The following OSTN variants were observed in gnomAD, a reference collection of about 807,000 sequenced individuals.
OSTN encodes the protein osteocrin.
A neutral mutation model predicts 12.0 loss-of-function variants in OSTN; 9 were observed. The ratio of observed to expected loss-of-function variants is 0.75; its 90% CI spans 0.45 to 1.30. OSTN has a LOEUF of 1.30. OSTN is among the 50% of genes most tolerant of loss of function. OSTN has a pLI of 0.00. For missense variants in OSTN, 148 were observed against 152.3 expected, an observed-to-expected ratio of 0.97 and a Z score of 0.15; for synonymous variants, 59 against 56.9, an observed-to-expected ratio of 1.04 and a Z score of -0.16.
intron 4 of OSTN, among the ~76,000 whole-genome samples, chr3:191,258,014 C>G (rs551473568): frequency 1.3e-5 from 2 of 152,264 alleles, no homozygotes; most frequent in South Asian, 4.1e-4. Context: ...AGGTAAAACT[C>G]ACTAGTCTAA....
At chr3:191,237,289 A>C (rs1715214623) in intron 3 of OSTN, among the ~76,000 whole-genome samples, 1 of 152,244 alleles carries the variant, frequency 6.6e-6, no homozygotes, top group Non-Finnish European at 1.5e-5. Context: ...GAATATATGC[A>C]TTAAATGAAT....
At chr3:191,210,159 G>A (rs1345221534) in intron 1 of OSTN, among the ~76,000 whole-genome samples, 2 of 152,208 alleles carry the variant, frequency 1.3e-5, no homozygotes, top group African/African-American at 4.8e-5. Context: ...AGGAAAAAGA[G>A]AGGAGAGGTG....
intron 4 of OSTN, among the ~76,000 whole-genome samples, chr3:191,253,135 G>C (rs1194726930): frequency 2.6e-5 from 4 of 152,142 alleles, no homozygotes; most frequent in African/African-American, 7.2e-5. Context: ...AAATTCATTG[G>C]TTATACATTT....
chr3:191,231,449 A>G (rs1375321904), intron 3 of OSTN, among the ~76,000 whole-genome samples: 4 of 152,126 alleles, frequency 2.6e-5, no homozygotes, highest in African/African-American at 7.2e-5. Context: ...CAAACTTTTC[A>G]TAAAAATAAA....
At chr3:191,239,060 C>T (rs1715264181) in intron 3 of OSTN, among the ~76,000 whole-genome samples, 1 of 152,130 alleles carries the variant, frequency 6.6e-6, no homozygotes. Flanking sequence ...ACGATAAACT[C>T]TATATTACTG....
intron 4 of OSTN, among the ~76,000 whole-genome samples, chr3:191,258,407 G>T (rs980448983): frequency 2.0e-5 from 3 of 152,066 alleles, no homozygotes; most frequent in African/African-American, 4.8e-5. Context: ...GCATTTAGAT[G>T]TTTAAAAAGC....
chr3:191,247,816 A>G (rs1245343468), intron 3 of OSTN, among the ~76,000 whole-genome samples: 1 of 152,140 alleles, frequency 6.6e-6, no homozygotes, highest in East Asian at 1.9e-4. Context: ...AAAATCTCTC[A>G]TATTCTCCAT....
intron 3 of OSTN, among the ~76,000 whole-genome samples, chr3:191,241,992 C>T (rs1194098365): frequency 6.6e-6 from 1 of 151,522 alleles, no homozygotes; most frequent in Non-Finnish European, 1.5e-5. Flanking sequence ...AATAGCAAAA[C>T]AAATAGCAAT....
intron 1 of OSTN, among the ~76,000 whole-genome samples, chr3:191,212,080 G>A (rs759366818): frequency 6.6e-6 from 1 of 152,030 alleles, no homozygotes; most frequent in South Asian, 2.1e-4. Context: ...ATGGATGGTG[G>A]GTGTTTTGAA....
At chr3:191,233,696 A>G (rs1289436510) in intron 3 of OSTN, among the ~76,000 whole-genome samples, 3 of 152,136 alleles carry the variant, frequency 2.0e-5, no homozygotes, top group Non-Finnish European at 4.4e-5. Context: ...ACTCTTTAAC[A>G]TTAGAAGATA....
intron 3 of OSTN, among the ~76,000 whole-genome samples, chr3:191,229,460 G>C (rs1017527547): frequency 1.3e-5 from 2 of 152,186 alleles, no homozygotes; most frequent in African/African-American, 4.8e-5. Flanking sequence ...AGGAGTGGGA[G>C]TGGAACGGAT....
chr3:191,200,796 T>C (rs961729940), intron 1 of OSTN, among the ~76,000 whole-genome samples: 1 of 152,198 alleles, frequency 6.6e-6, no homozygotes, highest in African/African-American at 2.4e-5. Context: ...ATTTAACTGC[T>C]TTGCCAATAT....
chr3:191,256,687 A>G (rs1715678662), intron 4 of OSTN, among the ~76,000 whole-genome samples: 1 of 151,446 alleles, frequency 6.6e-6, no homozygotes, highest in East Asian at 1.9e-4. Flanking sequence ...CCTCTTATTA[A>G]TACTATATTA....
At chr3:191,220,690 G>A (rs914743511) in intron 3 of OSTN, among the ~76,000 whole-genome samples, 6 of 152,012 alleles carry the variant, frequency 3.9e-5, no homozygotes, top group African/African-American at 1.4e-4. Flanking sequence ...AAGAACATCG[G>A]CATCCAAAGA....
At chr3:191,240,272 A>T (rs73055330) in intron 3 of OSTN, among the ~76,000 whole-genome samples, 1 of 152,092 alleles carries the variant, frequency 6.6e-6, no homozygotes, top group Non-Finnish European at 1.5e-5. Flanking sequence ...CTGTTCTCAC[A>T]TGTCAGTCCT....
intron 4 of OSTN, among the ~76,000 whole-genome samples, chr3:191,260,006 CATG>C (rs1715770528): frequency 6.8e-6 from 1 of 147,604 alleles, no homozygotes; most frequent in Non-Finnish European, 1.5e-5. Context: ...AGGCACACAC[CATG>C]CCCGGCTAAC....
chr3:191,218,061 A>G (rs1714667436), intron 2 of OSTN, among the ~76,000 whole-genome samples: 1 of 152,238 alleles, frequency 6.6e-6, no homozygotes, highest in Non-Finnish European at 1.5e-5. Flanking sequence ...AAGTACAAAT[A>G]TACAGTAACC....
At chr3:191,244,591 AAATAT>A (rs1715389874) in intron 3 of OSTN, among the ~76,000 whole-genome samples, 1 of 147,906 alleles carries the variant, frequency 6.8e-6, no homozygotes, top group Non-Finnish European at 1.5e-5. Context: ...TATATATTAT[AAATAT>A]AATATAAATA....
At chr3:191,260,083 C>T (rs1404970917) in intron 4 of OSTN, among the ~76,000 whole-genome samples, 2 of 151,862 alleles carry the variant, frequency 1.3e-5, no homozygotes, top group South Asian at 2.1e-4. Context: ...ATCTCTTGAC[C>T]TCATGATCCG....
Sources: gnomAD v4.1 joint callset for allele counts (sites outside exome capture counted in the v4.1 genomes callset) on GRCh38, gnomAD v4.1.1 for gene constraint, MANE v1.5 for transcripts, NCBI Gene and HGNC (gene_info 2026-07-23, HGNC 2026-07-21) for gene names.